CALCR: variants seen among roughly 807,000 people sequenced by gnomAD.
The protein encoded by CALCR is calcitonin receptor.
Under a neutral mutation model 59.5 loss-of-function variants are expected in CALCR, and 47 were observed. That is an observed-to-expected ratio of 0.79 (90% CI 0.63 to 1.01). The LOEUF (loss-of-function observed/expected upper bound fraction) is 1.01, where lower values mean the gene tolerates loss of function less well. CALCR is among the 50% of genes least tolerant of loss of function. CALCR has a pLI of 0.00. For missense variants in CALCR, 566 were observed against 597.1 expected, an observed-to-expected ratio of 0.95 and a Z score of 0.54; for synonymous variants, 213 against 211.3, an observed-to-expected ratio of 1.01 and a Z score of -0.07.
intron 2 of CALCR, among the ~76,000 whole-genome samples, chr7:93,493,524 C>A (rs1487276328): frequency 2.0e-5 from 3 of 151,372 alleles, no homozygotes; most frequent in Non-Finnish European, 4.4e-5. Context: ...TCTTTCTCTT[C>A]AGTTCCCTGG....
At chr7:93,528,889 C>A (rs969383168) in intron 2 of CALCR, among the ~76,000 whole-genome samples, 2 of 152,054 alleles carry the variant, frequency 1.3e-5, no homozygotes, top group Non-Finnish European at 2.9e-5. Flanking sequence ...CCAACTTTAT[C>A]GAAAATTTTG....
At chr7:93,475,934 G>A (rs1433608384) in intron 5 of CALCR, among the ~76,000 whole-genome samples, 1 of 151,760 alleles carries the variant, frequency 6.6e-6, no homozygotes, top group African/African-American at 2.4e-5. Flanking sequence ...TACTCTATGT[G>A]TGGACTGACC....
At chr7:93,523,303 C>G (rs1478459189) in intron 2 of CALCR, among the ~76,000 whole-genome samples, 1 of 152,146 alleles carries the variant, frequency 6.6e-6, no homozygotes, top group Non-Finnish European at 1.5e-5. Context: ...CCCTCACGGT[C>G]TCCTCCCATT....
intron 13 of CALCR, among the ~76,000 whole-genome samples, chr7:93,433,496 C>T (rs557695153): frequency 1.3e-5 from 2 of 152,224 alleles, no homozygotes; most frequent in South Asian, 4.2e-4. Context: ...GGGTTATAAC[C>T]ATAAGTGCAT....
intron 2 of CALCR, among the ~76,000 whole-genome samples, chr7:93,494,431 A>G (rs548666343): frequency 9.2e-5 from 14 of 151,462 alleles, no homozygotes; most frequent in Non-Finnish European, 1.8e-4. Flanking sequence ...AGCTTATGAG[A>G]ACAAAAATAG....
chr7:93,493,129 A>G (rs1003710428), intron 2 of CALCR, among the ~76,000 whole-genome samples: 1 of 151,356 alleles, frequency 6.6e-6, no homozygotes, highest in African/African-American at 2.4e-5. Context: ...CTTTCAGATA[A>G]GAATTATTTT....
chr7:93,572,511 G>A (rs1004001696), intron 2 of CALCR, among the ~76,000 whole-genome samples: 2 of 152,136 alleles, frequency 1.3e-5, no homozygotes, highest in Admixed American at 6.5e-5. Context: ...TACTGATTTA[G>A]ATTATCATTG....
chr7:93,426,546 T>C lies in CALCR; in HGVS notation c.1235A>G (p.Gln412Arg). 6.2e-7 allele frequency: 1 copy of C among 1,612,806 alleles called. No individual in the cohort carries two copies. Among genetic ancestry groups the C allele is most frequent in the Non-Finnish European group, 8.5e-7 (1 of 1,179,016 alleles). The change falls in exon 14 of 14, where the codon CAG (glutamine) becomes CGG (arginine). Residue 412 changes from glutamine to arginine, a missense_variant. By Grantham distance (43) the Gln-to-Arg change is conservative. Transcript: ENST00000426151. ...VKRQWAQFKI[Q>R]WNQRWGRRPS... Reference sequence around the variant, plus strand: ...GCGCCTCCCCCAACGCTGGTTCCACTGAATTTTGAATTGGGCCCATTGGCG... The same window carrying C: ...GCGCCTCCCCCAACGCTGGTTCCACCGAATTTTGAATTGGGCCCATTGGCG...
At chr7:93,455,229 T>G (rs1479126833) in intron 8 of CALCR, among the ~76,000 whole-genome samples, 1 of 150,280 alleles carries the variant, frequency 6.7e-6, no homozygotes, top group East Asian at 1.9e-4. Flanking sequence ...GTATTGTGGG[T>G]TTTTTTTGAA....
chr7:93,562,539 C>A (rs1789773154), intron 2 of CALCR, among the ~76,000 whole-genome samples: 1 of 152,174 alleles, frequency 6.6e-6, no homozygotes, highest in South Asian at 2.1e-4. Flanking sequence ...TTCTTTCCTG[C>A]ATAAGCTTAT....
At chr7:93,456,320 G>A (rs915463124) in intron 8 of CALCR, among the ~76,000 whole-genome samples, 5 of 152,048 alleles carry the variant, frequency 3.3e-5, no homozygotes, top group African/African-American at 1.2e-4. Flanking sequence ...ATTGATCATT[G>A]TAAGTGGCTT....
intron 2 of CALCR, among the ~76,000 whole-genome samples, chr7:93,489,811 G>A (rs1801033829): frequency 6.6e-6 from 1 of 152,000 alleles, no homozygotes; most frequent in Admixed American, 6.6e-5. Flanking sequence ...TGGATCCACA[G>A]CTGAATTCTA....
In CALCR at chr7:93,460,556, A is replaced by AG. The variant is rs1440441134; in HGVS notation, c.648+264_648+265insC. ...GGGCAACAGAGTGAGACTCTATCTA[A>AG]AAAAAAAAAAAAAAAAATATATATA... On this transcript the variant is annotated intron_variant, in intron 8 of 13. Transcript: ENST00000426151. Among the ~76,000 whole-genome samples the AG allele has an allele frequency of 8.6e-3, 711 of 82,870 alleles. 9 individuals are homozygous for AG. The highest frequency in any genetic ancestry group is 0.051 in the African/African-American group (605 of 11,758). 54.4% of individuals were successfully genotyped at this position (82,870 alleles called of 152,430 possible).
intron 8 of CALCR, among the ~76,000 whole-genome samples, chr7:93,449,223 T>C (rs762973989): frequency 4.1e-4 from 63 of 151,996 alleles, no homozygotes; most frequent in Admixed American, 9.8e-4. Flanking sequence ...AAAAATGTTT[T>C]CTTATCAGTT....
chr7:93,551,048 T>G (rs1789444006), intron 2 of CALCR, among the ~76,000 whole-genome samples: 1 of 152,170 alleles, frequency 6.6e-6, no homozygotes, highest in Admixed American at 6.6e-5. Flanking sequence ...AGTCTAAAAT[T>G]AGCAAACCAA....
At chr7:93,506,858 G>A (rs572005993) in intron 2 of CALCR, among the ~76,000 whole-genome samples, 1 of 152,242 alleles carries the variant, frequency 6.6e-6, no homozygotes, top group East Asian at 1.9e-4. Context: ...CCAGTGAAAG[G>A]TAACTGAATC....
At chr7:93,478,652 T>C (rs1200985378) in intron 4 of CALCR, among the ~76,000 whole-genome samples, 1 of 150,688 alleles carries the variant, frequency 6.6e-6, no homozygotes, top group Non-Finnish European at 1.5e-5. Context: ...TATATATATA[T>C]ATATATATAG....
intron 8 of CALCR, among the ~76,000 whole-genome samples, chr7:93,451,448 C>T (rs1281836520): frequency 6.6e-6 from 1 of 151,966 alleles, no homozygotes; most frequent in Non-Finnish European, 1.5e-5. Flanking sequence ...CTTTTCTGCT[C>T]CCCTTATCAT....
chr7:93,463,246 A>G (rs1194208684), intron 7 of CALCR, among the ~76,000 whole-genome samples: 1 of 151,840 alleles, frequency 6.6e-6, no homozygotes, highest in Admixed American at 6.6e-5. Flanking sequence ...GCATATAAAC[A>G]GTATATATAT....
Sources: allele counts gnomAD v4.1 joint callset (sites outside exome capture counted in the v4.1 genomes callset), GRCh38; gene constraint gnomAD v4.1.1; transcripts MANE v1.5; gene names NCBI Gene and HGNC (gene_info 2026-07-23, HGNC 2026-07-21).